The following GPC5 variants were observed in gnomAD, a reference collection of about 807,000 sequenced individuals.
The protein encoded by GPC5 is glypican 5, also known as glypican-5.
GPC5 carries 47 observed loss-of-function variants against 53.9 expected under a neutral mutation model. The ratio of observed to expected loss-of-function variants is 0.87; its 90% CI spans 0.69 to 1.11. The LOEUF is 1.11. GPC5 is among the 50% of genes most tolerant of loss of function. The pLI, the probability that GPC5 is intolerant of heterozygous loss-of-function variation, is 0.00. For synonymous variants in GPC5, 286 were observed against 263.3 expected (o/e 1.09, Z -0.84); for missense variants, 748 against 713.1 (o/e 1.05, Z -0.56).
chr13:92,147,857 G>A lies in GPC5; in HGVS notation c.1561+2868G>A, dbSNP rs1375547699. On this transcript the variant is annotated intron_variant, in intron 7 of 7. Coordinates refer to ENST00000377067, the MANE Select transcript of GPC5 (RefSeq NM_004466.6). The stretch of plus-strand genomic sequence containing the variant: ...AGTAAAGAGGGACGAGGAAAGGAGC[G>A]AAGTGTAGGTCACATTTCTATTTTT... Among the ~76,000 whole-genome samples the A allele has an allele frequency of 2.0e-5, 3 of 152,010 alleles. No individual in the cohort carries two copies. The East Asian group carries it at 5.8e-4, about 29-fold the overall frequency.
chr13:91,538,221 C>G (rs565077536), intron 2 of GPC5, among the ~76,000 whole-genome samples: 38 of 152,290 alleles, frequency 2.5e-4, no homozygotes, highest in African/African-American at 8.9e-4. Flanking sequence ...TGCTGGATAT[C>G]ACAGTTGAGC....
chr13:91,813,027 CG>C, intron 5 of GPC5, among the ~76,000 whole-genome samples: 1 of 152,248 alleles, frequency 6.6e-6, no homozygotes, highest in African/African-American at 2.4e-5. Flanking sequence ...CAAAGTGTCA[CG>C]GAAGTACTAC....
intron 6 of GPC5, among the ~76,000 whole-genome samples, chr13:92,021,475 G>A (rs892772808): frequency 1.3e-5 from 2 of 152,086 alleles, no homozygotes; most frequent in African/African-American, 4.8e-5. Flanking sequence ...CCAGGTGCAG[G>A]GAACTGGGAA....
chr13:91,871,775 A>C (rs1177802499), intron 5 of GPC5, among the ~76,000 whole-genome samples: 2 of 151,398 alleles, frequency 1.3e-5, no homozygotes, highest in Non-Finnish European at 2.9e-5. Context: ...GTTTTCCTTT[A>C]CACAGTAATG....
At chr13:91,413,910 G>A (rs969890497) in intron 1 of GPC5, among the ~76,000 whole-genome samples, 1 of 152,126 alleles carries the variant, frequency 6.6e-6, no homozygotes, top group African/African-American at 2.4e-5. Context: ...TCAGAGCCAG[G>A]AATTATTTCT....
intron 7 of GPC5, among the ~76,000 whole-genome samples, chr13:92,831,016 G>GT (rs1878027423): frequency 6.6e-6 from 1 of 152,142 alleles, no homozygotes; most frequent in Non-Finnish European, 1.5e-5. Flanking sequence ...TCTGAGAACA[G>GT]TAACTTGTTT....
At chr13:92,776,541 G>A (rs1451500981) in intron 7 of GPC5, among the ~76,000 whole-genome samples, 1 of 152,168 alleles carries the variant, frequency 6.6e-6, no homozygotes, top group Non-Finnish European at 1.5e-5. Context: ...AAATCTCTTT[G>A]GCAGGGCCAT....
chr13:91,600,372 G>A (rs1233162080), intron 2 of GPC5, among the ~76,000 whole-genome samples: 1 of 149,978 alleles, frequency 6.7e-6, no homozygotes, highest in African/African-American at 2.5e-5. Context: ...TGTGTGTATA[G>A]ACATGTATAT....
At position 92,223,813 on chromosome 13, in the gene GPC5, A is replaced by C. The variant is rs556538211; in HGVS notation, c.1561+78824A>C. ...AAGGAACAAAAAGCAAATAACAATAAAACCTTCTTAAGTCAACAAAATGTT... is the reference window on the plus strand; with the variant it reads ...AAGGAACAAAAAGCAAATAACAATACAACCTTCTTAAGTCAACAAAATGTT... On this transcript the variant is annotated intron_variant, in intron 7 of 7. Transcript: ENST00000377067. Among the ~76,000 whole-genome samples the C allele has an allele frequency of 3.3e-5, 5 of 152,284 alleles. No homozygotes were observed. In the South Asian group the frequency reaches 1.0e-3, roughly 32 times the overall value.
chr13:91,920,216 A>G (rs1453755912), intron 6 of GPC5, among the ~76,000 whole-genome samples: 2 of 152,198 alleles, frequency 1.3e-5, no homozygotes, highest in Non-Finnish European at 2.9e-5. Context: ...GAGAAAACAG[A>G]TTGCATTCTT....
chr13:91,677,959 A>G lies in GPC5; in HGVS notation c.326-15228A>G, dbSNP rs2035421295. Among the ~76,000 whole-genome samples, 3 of 152,352 alleles carry G rather than the reference A, an allele frequency of 2.0e-5. No individual in the cohort carries two copies. The South Asian group carries it at 6.2e-4, about 32-fold the overall frequency. On this transcript the variant is annotated intron_variant, in intron 2 of 7. Transcript: ENST00000377067. ...CTATGAAAGCAGAAATGGATGTTGTAGTAAAACAGACTGTTCTTGGTCTGA... is the reference window on the plus strand; with the variant it reads ...CTATGAAAGCAGAAATGGATGTTGTGGTAAAACAGACTGTTCTTGGTCTGA...
chr13:92,286,987 C>T (rs756791580), intron 7 of GPC5, among the ~76,000 whole-genome samples: 1 of 152,100 alleles, frequency 6.6e-6, no homozygotes, highest in Admixed American at 6.6e-5. Flanking sequence ...ACGCTAGAGG[C>T]CCTCAGAAGA....
At chr13:92,496,467 C>T (rs1197263745) in intron 7 of GPC5, among the ~76,000 whole-genome samples, 4 of 152,068 alleles carry the variant, frequency 2.6e-5, no homozygotes, top group Admixed American at 2.6e-4. Flanking sequence ...CAAGGTAAAT[C>T]AGGACCTAAA....
intron 7 of GPC5, among the ~76,000 whole-genome samples, chr13:92,669,498 G>C (rs1390488221): frequency 2.6e-5 from 4 of 152,130 alleles, no homozygotes; most frequent in Admixed American, 1.3e-4. Context: ...GCACCTGTTT[G>C]CTGTATATCG....
intron 6 of GPC5, among the ~76,000 whole-genome samples, chr13:91,930,486 T>A (rs2139030727): frequency 6.6e-6 from 1 of 152,202 alleles, no homozygotes; most frequent in South Asian, 2.1e-4. Context: ...CTAAGTACTG[T>A]CCCAAATTCT....
chr13:91,838,103 G>T (rs1434322238), intron 5 of GPC5, among the ~76,000 whole-genome samples: 1 of 152,122 alleles, frequency 6.6e-6, no homozygotes, highest in Non-Finnish European at 1.5e-5. Context: ...TGTTGTTTCC[G>T]CAATTAGAAG....
At chr13:92,317,916 T>C (rs1458661176) in intron 7 of GPC5, among the ~76,000 whole-genome samples, 1 of 152,196 alleles carries the variant, frequency 6.6e-6, no homozygotes, top group Non-Finnish European at 1.5e-5. Flanking sequence ...ATTTCAAGTT[T>C]AACAAACTTC....
intron 7 of GPC5, among the ~76,000 whole-genome samples, chr13:92,195,763 T>G (rs2042252514): frequency 6.6e-6 from 1 of 152,212 alleles, no homozygotes; most frequent in South Asian, 2.1e-4. Context: ...ATAAGTTATT[T>G]ATATACTTAA....
chr13:92,683,300 T>C (rs1020538457), intron 7 of GPC5, among the ~76,000 whole-genome samples: 1 of 152,134 alleles, frequency 6.6e-6, no homozygotes, highest in African/African-American at 2.4e-5. Flanking sequence ...AGACAGTCTG[T>C]TCCTTGGGAA....
Sources: allele counts gnomAD v4.1 joint callset (sites outside exome capture counted in the v4.1 genomes callset), GRCh38; gene constraint gnomAD v4.1.1; transcripts MANE v1.5; gene names NCBI Gene and HGNC (gene_info 2026-07-23, HGNC 2026-07-21).